The following PLD1 variants were observed in gnomAD, a reference collection of about 807,000 sequenced individuals.
PLD1 encodes the protein choline phosphatase 1.
A neutral mutation model predicts 137.1 loss-of-function variants in PLD1; 112 were observed. That is an observed-to-expected ratio of 0.82 (90% CI 0.70 to 0.96). The LOEUF is 0.96. Among genes scored for constraint, PLD1 ranks in the 40% least tolerant of loss-of-function variants. PLD1 has a pLI of 0.00. For missense variants in PLD1, 1,321 were observed against 1,342.0 expected (o/e 0.98, Z 0.24); for synonymous variants, 431 against 454.7 (o/e 0.95, Z 0.66).
chr3:171,641,810 C>A (rs1735769491), intron 23 of PLD1, among the ~76,000 whole-genome samples: 1 of 152,154 alleles, frequency 6.6e-6, no homozygotes, highest in South Asian at 2.1e-4. Flanking sequence ...TGTTTACCAA[C>A]AGTAAATGAA....
chr3:171,680,160 T>C (rs755240105), intron 16 of PLD1, among the ~76,000 whole-genome samples: 3 of 151,816 alleles, frequency 2.0e-5, no homozygotes, highest in Non-Finnish European at 4.4e-5. Flanking sequence ...TTCTCCAGCC[T>C]ATCCTTGTTC....
chr3:171,707,579 A>G (rs1394640144), intron 11 of PLD1, among the ~76,000 whole-genome samples: 1 of 152,176 alleles, frequency 6.6e-6, no homozygotes, highest in Admixed American at 6.5e-5. Context: ...CTCCTCCACA[A>G]GCATGAGCAT....
At position 171,605,294 on chromosome 3, in the gene PLD1, T is replaced by C. The variant is rs779825796; in HGVS notation, c.3000+5A>G. The C allele has an allele frequency of 1.3e-6, 2 of 1,533,368 alleles. No individual in the cohort carries two copies. Among genetic ancestry groups the C allele is most frequent in the Non-Finnish European group, 1.8e-6 (2 of 1,106,318 alleles). 95.0% of individuals were successfully genotyped at this position (1,533,368 alleles called of 1,614,324 possible). On this transcript the variant is annotated splice_donor_5th_base_variant and intron_variant, in intron 26 of 26. Transcript: ENST00000351298. ...AAACGGAGGAGGGGAATACGTGAACTTCACCTTGTCATAAATTGTAGCATT... is the reference window on the plus strand; with the variant it reads ...AAACGGAGGAGGGGAATACGTGAACCTCACCTTGTCATAAATTGTAGCATT...
intron 1 of PLD1, among the ~76,000 whole-genome samples, chr3:171,764,933 GGAAAGAAAGAAAGAAAGAAA>G (rs151169443): frequency 0.015 from 357 of 23,706 alleles, 21 homozygotes; most frequent in African/African-American, 0.03. Context: ...AGGAAAGAAA[GGAAAGAAAGAAAGAAAGAAA>G]GAAAGAAAGA....
At chr3:171,706,642 G>A (rs1023245326) in intron 11 of PLD1, among the ~76,000 whole-genome samples, 19 of 152,140 alleles carry the variant, frequency 1.2e-4, no homozygotes, top group South Asian at 2.1e-4. Context: ...TCCATACAGA[G>A]ACTGGTAGAT....
chr3:171,709,567 C>A lies in PLD1; in HGVS notation c.1054G>T (p.Ala352Ser). 6.2e-7 allele frequency: 1 copy of A among 1,613,758 alleles called. No individual in the cohort carries two copies. Among genetic ancestry groups the A allele is most frequent in the South Asian group, 1.1e-5 (1 of 91,002 alleles). ...AGAGAAATAATAACTTACCATTTAG[C>A]TAAAGCATTCTCTTGGATAGCAGCA... The part of the protein sequence containing the change: ...SYAAIQENAL[A>S]KWYVNAKGYF... Residue 352 changes from alanine (A) to serine (S), a missense_variant, in exon 10 of 27, where the codon GCT (alanine) becomes TCT (serine). Ala to Ser is a moderately conservative substitution (Grantham distance 99). Coordinates refer to ENST00000351298, the MANE Select transcript of PLD1 (RefSeq NM_002662.5).
chr3:171,627,221 T>C (rs1391252385), intron 23 of PLD1, among the ~76,000 whole-genome samples: 1 of 152,062 alleles, frequency 6.6e-6, no homozygotes. Context: ...TAGTCTCTGA[T>C]AAAACAGACT....
chr3:171,765,707 C>G (rs1721939300), intron 1 of PLD1, among the ~76,000 whole-genome samples: 1 of 152,140 alleles, frequency 6.6e-6, no homozygotes, highest in African/African-American at 2.4e-5. Context: ...GTCAGCTACT[C>G]TAAGGTTTTC....
chr3:171,741,612 G>C (rs1719776098), intron 1 of PLD1, among the ~76,000 whole-genome samples: 1 of 152,190 alleles, frequency 6.6e-6, no homozygotes, highest in South Asian at 2.1e-4. Flanking sequence ...ACCAAGAAGA[G>C]ATGGTGCCCA....
intron 6 of PLD1, among the ~76,000 whole-genome samples, chr3:171,732,724 A>G (rs1454158155): frequency 1.3e-5 from 2 of 152,228 alleles, no homozygotes; most frequent in Non-Finnish European, 2.9e-5. Context: ...GCATACATAC[A>G]TACGATAAAC....
At chr3:171,657,377 T>G (rs1471940355) in intron 21 of PLD1, among the ~76,000 whole-genome samples, 1 of 152,224 alleles carries the variant, frequency 6.6e-6, no homozygotes, top group African/African-American at 2.4e-5. Flanking sequence ...AAAAAGTGTT[T>G]TAATTCCCAA....
rs563635765 is a variant in PLD1, at chr3:171,642,174, G to C, written c.2593+666C>G. 7.2e-5 allele frequency among the ~76,000 whole-genome samples: 11 copies of C among 152,208 alleles called. No individual in the cohort carries two copies. The East Asian group carries it at 1.7e-3, about 24-fold the overall frequency. ...AGAATCAATTAAGAACACATCTGAG[G>C]CTGCACATGGTGGCTCACACTTGTA... is the stretch of plus-strand genomic sequence containing the variant. On this transcript the variant is annotated intron_variant, in intron 23 of 26. Coordinates refer to ENST00000351298, the MANE Select transcript of PLD1 (RefSeq NM_002662.5).
At chr3:171,644,790 TAA>T in intron 22 of PLD1, 118 bp downstream of exon 22, 1 of 675,832 alleles carries the variant, frequency 1.5e-6, no homozygotes, top group Admixed American at 2.4e-5. Context: ...GAAAGTAAAA[TAA>T]AGTGTTCATT....
Position 171,644,913 on chromosome 3 carries a change from T to C in PLD1, c.2540A>G (p.Tyr847Cys), listed in dbSNP as rs144713245. 4.5e-5 allele frequency: 72 copies of C among 1,593,136 alleles called. No individual in the cohort carries two copies. In the African/African-American group the frequency reaches 9.3e-4, roughly 20 times the overall value. The stretch of plus-strand genomic sequence containing the variant: ...AGACCATTTAGAGTTTTGGCACCTG[T>C]AGTTGAAGTGCATGATTGCCTGTAG... ...NALQAIMHFNYRTMCRGENSI... is the reference protein window; with the variant it reads ...NALQAIMHFNCRTMCRGENSI... Residue 847 changes from tyrosine to cysteine, a missense_variant, in exon 22 of 27, where the codon TAC becomes TGC. Tyr to Cys is a radical substitution (Grantham distance 194). Transcript: ENST00000351298.
intron 1 of PLD1, among the ~76,000 whole-genome samples, chr3:171,800,339 G>C (rs1371016094): frequency 2.0e-5 from 3 of 152,056 alleles, no homozygotes; most frequent in Non-Finnish European, 4.4e-5. Context: ...CTCCCAAGTA[G>C]CTGTGATTAC....
At chr3:171,619,134 A>T (rs1252305919) in intron 24 of PLD1, among the ~76,000 whole-genome samples, 1 of 152,222 alleles carries the variant, frequency 6.6e-6, no homozygotes, top group Non-Finnish European at 1.5e-5. Flanking sequence ...AGATGAGCAG[A>T]ATTCCCATTA....
chr3:171,734,148 A>G (rs560690062), intron 5 of PLD1, among the ~76,000 whole-genome samples: 4 of 152,360 alleles, frequency 2.6e-5, no homozygotes, highest in Non-Finnish European at 4.4e-5. Flanking sequence ...CCAAAACTAT[A>G]TAATTTTATA....
In PLD1 at chr3:171,645,027, C is replaced by A. The variant is rs1296987715; in HGVS notation, c.2430-4G>T. On this transcript the variant is annotated splice_polypyrimidine_tract_variant and splice_region_variant and intron_variant, in intron 21 of 26. Transcript: ENST00000351298. ...TACCCGGTATTTCTGGTTTTCCCTG[C>A]AAAGGTCAGATGCAGAGAAATTCAC... 2 of 1,588,140 alleles carry A rather than the reference C, an allele frequency of 1.3e-6. No homozygotes were observed. Among genetic ancestry groups the A allele is most frequent in the Non-Finnish European group, 1.7e-6 (2 of 1,156,380 alleles).
intron 1 of PLD1, among the ~76,000 whole-genome samples, chr3:171,761,284 C>G (rs1171383846): frequency 6.6e-6 from 1 of 152,150 alleles, no homozygotes; most frequent in African/African-American, 2.4e-5. Flanking sequence ...CACTCACTTT[C>G]TAATACATCC....
Sources: gnomAD v4.1 joint callset for allele counts (sites outside exome capture counted in the v4.1 genomes callset) on GRCh38, gnomAD v4.1.1 for gene constraint, MANE v1.5 for transcripts, NCBI Gene and HGNC (gene_info 2026-07-23, HGNC 2026-07-21) for gene names.